The following NLRP2 variants were observed in gnomAD, a reference collection of about 807,000 sequenced individuals.
NLRP2 encodes NLR family pyrin domain containing 2.
NLRP2 carries 107 observed loss-of-function variants against 97.2 expected under a neutral mutation model. The observed-to-expected ratio is 1.10, with a 90% confidence interval of 0.94 to 1.29. The LOEUF is 1.29. Ranked by LOEUF, NLRP2 falls within the 50% of genes most tolerant of loss-of-function variation. NLRP2 has a pLI of 0.00. For missense variants in NLRP2, 1,495 were observed against 1,330.3 expected, an observed-to-expected ratio of 1.12 and a Z score of -1.93; for synonymous variants, 663 against 551.5, an observed-to-expected ratio of 1.20 and a Z score of -2.83.
chr19:54,981,021 G>A (rs929264158), intron 4 of NLRP2, among the ~76,000 whole-genome samples: 2 of 152,192 alleles, frequency 1.3e-5, no homozygotes, highest in Non-Finnish European at 2.9e-5. Flanking sequence ...TGAGGCAGGA[G>A]AATCGCTTGA....
chr19:54,998,025 C>T lies in NLRP2; in HGVS notation c.3050+538C>T, dbSNP rs866824056. On this transcript the variant is annotated intron_variant, in intron 12 of 12. Coordinates refer to ENST00000448584, the MANE Select transcript of NLRP2 (RefSeq NM_017852.5). ...TGGGGTTTTGTTTTGTTTTTTCTTT[C>T]TTTTTTTTTTTTTTTTTCTGAGATG... is the stretch of plus-strand genomic sequence containing the variant. Among the ~76,000 whole-genome samples, 1,003 of 127,248 alleles carry T rather than the reference C, an allele frequency of 7.9e-3. 7 individuals carry two copies. The highest frequency in any genetic ancestry group is 0.027 in the African/African-American group (938 of 34,472). The allele number at this position is 127,248 out of a possible 152,430, so 83.5% of individuals were successfully genotyped here. A position where few individuals can be genotyped will look rare whatever the true frequency, so the allele number is the denominator to read the frequency against.
chr19:54,967,379 G>A (rs1013645820), intron 1 of NLRP2, among the ~76,000 whole-genome samples: 1 of 149,194 alleles, frequency 6.7e-6, no homozygotes, highest in African/African-American at 2.5e-5. Context: ...CTACTCAGGA[G>A]GCTGAGGCAG....
chr19:54,972,171 C>T (rs1486593920), intron 2 of NLRP2, among the ~76,000 whole-genome samples: 1 of 150,440 alleles, frequency 6.6e-6, no homozygotes, highest in Non-Finnish European at 1.5e-5. Flanking sequence ...ACTCTACTTT[C>T]TACCCCATAA....
rs1368443927 is a variant in NLRP2, at chr19:54,986,330, C to A, written c.2366+15C>A. The A allele has an allele frequency of 9.9e-6, 16 of 1,608,138 alleles. No individual in the cohort carries two copies. Among genetic ancestry groups the A allele is most frequent in the Non-Finnish European group, 1.3e-5 (15 of 1,174,748 alleles). On this transcript the variant is annotated intron_variant, in intron 8 of 12. Coordinates refer to ENST00000448584, the MANE Select transcript of NLRP2 (RefSeq NM_017852.5). Reference sequence around the variant, plus strand: ...CGATATCTCGGGTATATCTCTTAATCATTAAAATCCTTCATCATACAAACA... The same window carrying A: ...CGATATCTCGGGTATATCTCTTAATAATTAAAATCCTTCATCATACAAACA...
rs1654495 is a variant in NLRP2 at position 54,990,211 on chromosome 19, A to G, written c.2537+19A>G. 6.2e-7 allele frequency: 1 copy of G among 1,613,130 alleles called. No individual in the cohort carries two copies. The highest frequency in any genetic ancestry group is 8.5e-7 in the Non-Finnish European group (1 of 1,179,420). The stretch of plus-strand genomic sequence containing the variant: ...GGTTGTCGTAAGTCTCTCCTCTCTT[A>G]CAGAGCAGCTGTGCTTTCGATCTGG... On this transcript the variant is annotated intron_variant, in intron 9 of 12. Coordinates refer to ENST00000448584, the MANE Select transcript of NLRP2 (RefSeq NM_017852.5).
chr19:54,977,890 G>T (rs561974864), intron 4 of NLRP2, 67 bp downstream of exon 4: 27 of 1,422,048 alleles, frequency 1.9e-5, no homozygotes, highest in Non-Finnish European at 2.6e-5. Flanking sequence ...GCTATCTCCT[G>T]TTCCTTTGAA....
chr19:54,987,157 C>T (rs931276553), intron 8 of NLRP2, among the ~76,000 whole-genome samples: 3 of 138,506 alleles, frequency 2.2e-5, no homozygotes, highest in Non-Finnish European at 3.2e-5. Context: ...ACCCCGCCGT[C>T]GGCCTCCCAA....
intron 10 of NLRP2, 54 bp downstream of exon 10, chr19:54,990,726 C>T: frequency 6.3e-7 from 1 of 1,590,612 alleles, no homozygotes; most frequent in Non-Finnish European, 8.6e-7. Flanking sequence ...ACGCCCCCCA[C>T]CTCCGGGTTT....
intron 3 of NLRP2, 30 bp from the exon 4 acceptor site, chr19:54,977,722 C>G (rs898694275): frequency 3.1e-6 from 5 of 1,611,274 alleles, no homozygotes; most frequent in Non-Finnish European, 4.2e-6. Context: ...AGCACAGCAA[C>G]AGGCCTGTAA....
rs144367469 is a variant in NLRP2 at position 54,996,330 on chromosome 19, G to A, written c.2880-987G>A. Among the ~76,000 whole-genome samples the A allele has an allele frequency of 4.4e-3, 663 of 152,060 alleles. 3 individuals carry two copies. Among genetic ancestry groups the A allele is most frequent in the African/African-American group, 0.015 (641 of 41,512 alleles). ...CAGCCTGTCTCTACTAAAGAGACAGGTGAAACCCTGTCTCTCTAAAACCAC... is the reference window on the plus strand; with the variant it reads ...CAGCCTGTCTCTACTAAAGAGACAGATGAAACCCTGTCTCTCTAAAACCAC... On this transcript the variant is annotated intron_variant, in intron 11 of 12. Transcript: ENST00000448584.
Position 54,997,208 on chromosome 19 carries a change from G to T in NLRP2, c.2880-109G>T. ...GCGTGAACCACCGTGCCCGGCCTGA[G>T]ACTTCTGTTGGTCATGCAGATCCCC... On this transcript the variant is annotated intron_variant, in intron 11 of 12. Transcript: ENST00000448584. 1.2e-5 allele frequency: 14 copies of T among 1,154,212 alleles called. No individual in the cohort carries two copies. The South Asian group carries it at 1.7e-4, about 14-fold the overall frequency. 71.5% of individuals were successfully genotyped at this position (1,154,212 alleles called of 1,614,324 possible).
Position 54,985,022 on chromosome 19 carries a change from T to C in NLRP2, c.2031-25T>C, listed in dbSNP as rs781561534. The C allele has an allele frequency of 1.9e-6, 3 of 1,612,896 alleles. No homozygotes were observed. The South Asian group carries it at 3.3e-5, about 18-fold the overall frequency. On this transcript the variant is annotated intron_variant, in intron 6 of 12. Coordinates refer to ENST00000448584, the MANE Select transcript of NLRP2 (RefSeq NM_017852.5). ...AGCCGTGATGGACACACATTTGGTGTAACCCTTTCTTCTCTTCCCTATAGA... is the reference window on the plus strand; with the variant it reads ...AGCCGTGATGGACACACATTTGGTGCAACCCTTTCTTCTCTTCCCTATAGA...
intron 4 of NLRP2, among the ~76,000 whole-genome samples, chr19:54,981,375 C>T (rs1039352908): frequency 2.6e-5 from 4 of 151,852 alleles, no homozygotes; most frequent in Admixed American, 1.3e-4. Context: ...CTGTGTTGGC[C>T]AGGCTGGTCT....
intron 1 of NLRP2, among the ~76,000 whole-genome samples, chr19:54,967,169 A>G (rs2070504703): frequency 6.6e-6 from 1 of 151,886 alleles, no homozygotes; most frequent in African/African-American, 2.4e-5. Flanking sequence ...GCCCGGCCTA[A>G]ATCTTTTCTT....
intron 11 of NLRP2, 52 bp downstream of exon 11, chr19:54,994,491 T>C (rs2072696421): frequency 2.5e-6 from 4 of 1,589,664 alleles, no homozygotes; most frequent in Non-Finnish European, 3.4e-6. Flanking sequence ...ACTGAATCTG[T>C]GGCTAGTGTA....
At chr19:54,972,444 G>A (rs1347787089) in intron 2 of NLRP2, among the ~76,000 whole-genome samples, 1 of 151,826 alleles carries the variant, frequency 6.6e-6, no homozygotes, top group East Asian at 1.9e-4. Context: ...GCCTCCCAAT[G>A]TGCTGGAATT....
intron 8 of NLRP2, among the ~76,000 whole-genome samples, chr19:54,988,014 A>G (rs2072212377): frequency 6.6e-6 from 1 of 152,218 alleles, no homozygotes; most frequent in Non-Finnish European, 1.5e-5. Flanking sequence ...ATTGCACTCC[A>G]GCCTGGGCAA....
chr19:54,973,521 G>A (rs918863716), intron 2 of NLRP2, among the ~76,000 whole-genome samples: 4 of 151,680 alleles, frequency 2.6e-5, no homozygotes, highest in South Asian at 4.2e-4. Context: ...GATTACAGGC[G>A]CCTACCACCA....
rs778010743 is a variant in NLRP2 at position 54,982,597 on chromosome 19, T to C, written c.899T>C (p.Leu300Pro). The change falls in exon 6 of 13, where the codon CTG becomes CCG. Residue 300 changes from leucine (L) to proline (P), a missense_variant. Coordinates refer to ENST00000448584, the MANE Select transcript of NLRP2 (RefSeq NM_017852.5). Reference sequence around the variant, plus strand: ...GAGCTGGGAGCCGCACCTGGGGCGCTGATCGAGGACATCTGCGGGGACTGG... The same window carrying C: ...GAGCTGGGAGCCGCACCTGGGGCGCCGATCGAGGACATCTGCGGGGACTGG... The part of the protein sequence containing the change: ...FDELGAAPGA[L>P]IEDICGDWEK... The C allele has an allele frequency of 1.9e-6, 3 of 1,614,050 alleles. No homozygotes were observed. Among genetic ancestry groups the C allele is most frequent in the Admixed American group, 1.7e-5 (1 of 59,998 alleles).
Sources: allele counts gnomAD v4.1 joint callset (sites outside exome capture counted in the v4.1 genomes callset), GRCh38; gene constraint gnomAD v4.1.1; transcripts MANE v1.5; gene names NCBI Gene and HGNC (gene_info 2026-07-23, HGNC 2026-07-21).